The following MSI2 variants were observed in gnomAD, a reference collection of about 807,000 sequenced individuals.
The protein encoded by MSI2 is RNA-binding protein Musashi homolog 2.
In MSI2, 17 loss-of-function variants were observed where a neutral mutation model predicts 45.6. That is an observed-to-expected ratio of 0.37 (90% CI 0.26 to 0.56). The LOEUF (loss-of-function observed/expected upper bound fraction) is 0.56. MSI2 is among the 20% of genes least tolerant of loss of function. The pLI is 0.77. For missense variants in MSI2, 293 were observed against 444.2 expected (o/e 0.66, Z 3.06); for synonymous variants, 156 against 158.2 (o/e 0.99, Z 0.11).
chr17:57,640,921 G>A (rs968435392), intron 10 of MSI2, among the ~76,000 whole-genome samples: 18 of 152,280 alleles, frequency 1.2e-4, no homozygotes, highest in African/African-American at 3.9e-4. Context: ...CATTTTACAG[G>A]TGAGGAAAGT....
intron 7 of MSI2, among the ~76,000 whole-genome samples, chr17:57,585,257 A>G (rs993778285): frequency 3.3e-5 from 5 of 152,242 alleles, no homozygotes; most frequent in African/African-American, 1.2e-4. Flanking sequence ...AGACATGTCA[A>G]GTGGATTTTA....
chr17:57,666,290 T>G (rs533356892), intron 11 of MSI2, among the ~76,000 whole-genome samples: 1 of 152,340 alleles, frequency 6.6e-6, no homozygotes, highest in African/African-American at 2.4e-5. Flanking sequence ...TTCCTAGCTG[T>G]TCAAACCCTT....
At chr17:57,504,516 A>G (rs952496180) in intron 6 of MSI2, among the ~76,000 whole-genome samples, 4 of 152,316 alleles carry the variant, frequency 2.6e-5, no homozygotes, top group South Asian at 2.1e-4. Context: ...AGTCGGAGAC[A>G]TGGAAGGTTT....
chr17:57,568,189 T>C (rs1234104024), intron 7 of MSI2, among the ~76,000 whole-genome samples: 1 of 152,178 alleles, frequency 6.6e-6, no homozygotes, highest in Non-Finnish European at 1.5e-5. Flanking sequence ...TTCCTTAGGC[T>C]GGGAGAATGC....
chr17:57,677,470 G>T (rs1354438333), intron 13 of MSI2, among the ~76,000 whole-genome samples: 1 of 152,192 alleles, frequency 6.6e-6, no homozygotes. Flanking sequence ...AGGGATGGGG[G>T]CCAGGGCCAC....
intron 11 of MSI2, among the ~76,000 whole-genome samples, chr17:57,666,607 C>G (rs1311794707): frequency 6.6e-6 from 1 of 152,222 alleles, no homozygotes; most frequent in Non-Finnish European, 1.5e-5. Context: ...TAGGCTGCCT[C>G]GTAAGTCTGT....
chr17:57,309,082 C>G (rs571910122), intron 5 of MSI2, among the ~76,000 whole-genome samples: 1 of 152,320 alleles, frequency 6.6e-6, no homozygotes, highest in South Asian at 2.1e-4. Flanking sequence ...ACTGAGTCTT[C>G]TTTGTAGTCT....
At chr17:57,667,578 C>T (rs956095695) in intron 11 of MSI2, among the ~76,000 whole-genome samples, 13 of 152,180 alleles carry the variant, frequency 8.5e-5, no homozygotes, top group South Asian at 2.1e-4. Context: ...TTTCCCTTCC[C>T]GGGGCCCTCC....
chr17:57,634,376 G>A (rs1909670656), intron 10 of MSI2, among the ~76,000 whole-genome samples: 2 of 152,162 alleles, frequency 1.3e-5, no homozygotes. Flanking sequence ...TGAGGCAGGA[G>A]AATCGCTTGA....
chr17:57,500,949 T>A (rs2086092289), intron 6 of MSI2, among the ~76,000 whole-genome samples: 1 of 151,040 alleles, frequency 6.6e-6, no homozygotes, highest in Admixed American at 6.6e-5. Flanking sequence ...GGTGACAAAG[T>A]GAGACCCTGT....
At chr17:57,313,883 G>A (rs1290674930) in intron 5 of MSI2, among the ~76,000 whole-genome samples, 4 of 152,282 alleles carry the variant, frequency 2.6e-5, no homozygotes, top group African/African-American at 7.2e-5. Context: ...GGGTGGGTCC[G>A]GGCAGTGTCC....
intron 6 of MSI2, among the ~76,000 whole-genome samples, chr17:57,446,099 G>A (rs560538529): frequency 3.5e-4 from 54 of 152,240 alleles, no homozygotes; most frequent in Non-Finnish European, 7.1e-4. Flanking sequence ...GATACCGATC[G>A]GTGCAGAGGA....
chr17:57,552,045 G>A lies in MSI2; in HGVS notation c.454+22321G>A, dbSNP rs187262240. ...AGAGGGGTTTTCTGGAACAGAGAATGTGCTGGACCTAGAGCCCCTCGTCCT... is the reference window on the plus strand; with the variant it reads ...AGAGGGGTTTTCTGGAACAGAGAATATGCTGGACCTAGAGCCCCTCGTCCT... On this transcript the variant is annotated intron_variant, in intron 7 of 13. Coordinates refer to ENST00000284073, the MANE Select transcript of MSI2 (RefSeq NM_138962.4). This position sits in a 1 kb window ranked among gnomAD's most constrained non-coding sequence, Gnocchi z 4.3. 5.3e-5 allele frequency among the ~76,000 whole-genome samples: 8 copies of A among 152,252 alleles called. No individual in the cohort carries two copies. Among genetic ancestry groups the A allele is most frequent in the Admixed American group, 2.0e-4 (3 of 15,290 alleles).
At chr17:57,286,045 A>G in intron 5 of MSI2, 1 of 1,444,314 alleles carries the variant, frequency 6.9e-7, no homozygotes, top group Non-Finnish European at 9.2e-7. Flanking sequence ...CATATTAGCT[A>G]GCCAGCCTCT....
At chr17:57,570,238 C>A (rs1429780364) in intron 7 of MSI2, among the ~76,000 whole-genome samples, 8 of 152,204 alleles carry the variant, frequency 5.3e-5, no homozygotes, top group Admixed American at 5.2e-4. Flanking sequence ...CAGGCCCCAC[C>A]TCAGACCAAG....
chr17:57,604,960 T>G (rs1906379800), intron 8 of MSI2, among the ~76,000 whole-genome samples: 1 of 129,392 alleles, frequency 7.7e-6, no homozygotes. Context: ...TGTATTTGTG[T>G]GTGGGGAGGG....
intron 7 of MSI2, among the ~76,000 whole-genome samples, chr17:57,542,165 C>A (rs1379086698): frequency 1.3e-5 from 2 of 152,182 alleles, no homozygotes; most frequent in African/African-American, 4.8e-5. Flanking sequence ...CACCCCGCTG[C>A]TGGGTGTTCA....
intron 5 of MSI2, among the ~76,000 whole-genome samples, chr17:57,341,274 G>A (rs1177053798): frequency 6.6e-6 from 1 of 152,232 alleles, no homozygotes; most frequent in Non-Finnish European, 1.5e-5. Flanking sequence ...CCAGCTCGCA[G>A]TGGTGTGTGT....
In MSI2 at chr17:57,431,133, C is replaced by T. The variant is rs149799804; in HGVS notation, c.405+29662C>T. Among the ~76,000 whole-genome samples, 524 of 152,336 alleles carry T rather than the reference C, an allele frequency of 3.4e-3. 8 individuals carry two copies. Among genetic ancestry groups the T allele is most frequent in the Admixed American group, 0.029 (451 of 15,298 alleles). On this transcript the variant is annotated intron_variant, in intron 6 of 13. Coordinates refer to ENST00000284073, the MANE Select transcript of MSI2 (RefSeq NM_138962.4). ...TCTCCTGCCCATTCATTGTGACCCT[C>T]CCGTTTTGAAGAATTTATCCCTCCA...
Sources: allele counts gnomAD v4.1 joint callset (sites outside exome capture counted in the v4.1 genomes callset), GRCh38; gene constraint gnomAD v4.1.1; non-coding constraint Gnocchi (gnomAD v3.1); transcripts MANE v1.5; gene names NCBI Gene and HGNC (gene_info 2026-07-23, HGNC 2026-07-21).